The following SLC6A13 variants were observed in gnomAD, a reference collection of about 807,000 sequenced individuals.
SLC6A13 encodes solute carrier family 6 member 13, also known as sodium- and chloride-dependent GABA transporter 2.
Under a neutral mutation model 72.9 loss-of-function variants are expected in SLC6A13, and 69 were observed. The observed-to-expected ratio is 0.95, with a 90% CI of 0.78 to 1.16. SLC6A13 has a LOEUF of 1.16. SLC6A13 is among the 50% of genes most tolerant of loss of function. The pLI is 0.00. For synonymous variants in SLC6A13, 303 were observed against 303.0 expected, an observed-to-expected ratio of 1.00 and a Z score of 0.00; for missense variants, 735 against 760.5, an observed-to-expected ratio of 0.97 and a Z score of 0.39.
At chr12:247,895 T>C (rs1022433765) in intron 2 of SLC6A13, among the ~76,000 whole-genome samples, 1 of 152,154 alleles carries the variant, frequency 6.6e-6, no homozygotes, top group Non-Finnish European at 1.5e-5. Context: ...GAAGATAAAG[T>C]GTGATAAGTT....
chr12:243,490 G>A (rs936443035), intron 3 of SLC6A13, among the ~76,000 whole-genome samples, 189 bp downstream of exon 3: 6 of 152,152 alleles, frequency 3.9e-5, no homozygotes, highest in African/African-American at 1.4e-4. Context: ...CATCCTCACT[G>A]CTGTTTCTTG....
intron 2 of SLC6A13, 104 bp from the exon 3 acceptor site, chr12:243,917 G>T: frequency 8.6e-7 from 1 of 1,166,478 alleles, no homozygotes; most frequent in Non-Finnish European, 1.2e-6. Flanking sequence ...GAATCTCGGA[G>T]GCAGAGAACA....
At chr12:248,505 A>C (rs1942433657) in intron 2 of SLC6A13, among the ~76,000 whole-genome samples, 1 of 152,130 alleles carries the variant, frequency 6.6e-6, no homozygotes, top group African/African-American at 2.4e-5. Context: ...AGAGCAAAGA[A>C]TATTACCAAG....
intron 3 of SLC6A13, 108 bp downstream of exon 3, chr12:243,571 C>G: frequency 9.0e-7 from 1 of 1,113,016 alleles, no homozygotes; most frequent in South Asian, 1.6e-5. Context: ...CATAGAGACT[C>G]GGGATCTTAT....
At position 221,362 on chromosome 12, in the gene SLC6A13, CG is replaced by C. The variant is rs754583503; in HGVS notation, c.1686+13del. ...CAGCCCCTCTGGCTGCTTTCCTGCCCGCAAAGGCCCTACCTCTCTGAAGGGG... is the reference window on the plus strand; with the variant it reads ...CAGCCCCTCTGGCTGCTTTCCTGCCCCAAAGGCCCTACCTCTCTGAAGGGG... On this transcript the variant is annotated intron_variant, in intron 14 of 14. Coordinates refer to ENST00000343164, the MANE Select transcript of SLC6A13 (RefSeq NM_016615.5). 1 of 1,572,174 alleles carries C rather than the reference CG, an allele frequency of 6.4e-7. No homozygotes were observed. Among genetic ancestry groups the C allele is most frequent in the South Asian group, 1.2e-5 (1 of 86,276 alleles).
At chr12:251,790 CA>C (rs35885299) in intron 2 of SLC6A13, among the ~76,000 whole-genome samples, 13,882 of 139,464 alleles carry the variant, frequency 0.1, 706 homozygotes, top group Non-Finnish European at 0.13. Flanking sequence ...TCGTCTCTAC[CA>C]AAAAAAAAAA....
chr12:226,437 A>T lies in SLC6A13; in HGVS notation c.1013T>A (p.Phe338Tyr), dbSNP rs756888197. 1 of 1,614,080 alleles carries T rather than the reference A, an allele frequency of 6.2e-7. No individual in the cohort carries two copies. Among genetic ancestry groups the T allele is most frequent in the Non-Finnish European group, 8.5e-7 (1 of 1,179,952 alleles). The change falls in exon 9 of 15, where the codon TTC becomes TAC. Residue 338 changes from phenylalanine to tyrosine, a missense_variant. Transcript: ENST00000343164. ...AGFAIFSILGFMSQEQGVPIS... is the reference protein window; with the variant it reads ...AGFAIFSILGYMSQEQGVPIS... Reference sequence around the variant, plus strand: ...GGGCACCCCCTGCTCCTGAGACATGAAGCCCAGGATGGAGAAGATGGCAAA... The same window carrying T: ...GGGCACCCCCTGCTCCTGAGACATGTAGCCCAGGATGGAGAAGATGGCAAA...
At chr12:221,105 G>A (rs1941186873) in intron 14 of SLC6A13, 35 bp from the exon 15 acceptor site, 5 of 1,556,626 alleles carry the variant, frequency 3.2e-6, no homozygotes, top group African/African-American at 1.4e-5. Flanking sequence ...TCAGGTGGTG[G>A]AGCGGGGGCA....
chr12:221,445 C>T lies in SLC6A13; in HGVS notation c.1617G>A (p.Leu539=). Reference sequence around the variant, plus strand: ...AGGCAGGAATGCAGACCATGGAGGACAGAGCCAGGAGCCAGCCCAGGGCAT... The same window carrying T: ...AGGCAGGAATGCAGACCATGGAGGATAGAGCCAGGAGCCAGCCCAGGGCAT... ...WGDALGWLLA[L]SSMVCIPAWS... The change falls in exon 14 of 15, where the codon CTG becomes CTA. Residue 539 remains leucine, a synonymous_variant. Transcript: ENST00000343164. 1 of 1,613,980 alleles carries T rather than the reference C, an allele frequency of 6.2e-7. No individual in the cohort carries two copies. The highest frequency in any genetic ancestry group is 8.5e-7 in the Non-Finnish European group (1 of 1,179,942).
intron 1 of SLC6A13, 47 bp downstream of exon 1, chr12:262,742 G>A: frequency 1.0e-6 from 1 of 974,232 alleles, no homozygotes; most frequent in Non-Finnish European, 1.2e-6. Flanking sequence ...CCAACCTGCA[G>A]TCTGAGACGC....
rs776786828 is a variant in SLC6A13 at position 221,053 on chromosome 12, C to T, written c.1704G>A (p.Met568Ile). 2.5e-6 allele frequency: 4 copies of T among 1,607,798 alleles called. No homozygotes were observed. The highest frequency in any genetic ancestry group is 2.5e-6 in the Non-Finnish European group (3 of 1,178,016). The change falls in exon 15 of 15, where the codon ATG (methionine) becomes ATA (isoleucine). Residue 568 changes from methionine to isoleucine, a missense_variant. Coordinates refer to ENST00000343164, the MANE Select transcript of SLC6A13 (RefSeq NM_016615.5). Reference sequence around the variant, plus strand: ...GCTGGGGCAGGTCCTCGGCTGGGCACATGAGCTGACGGATTCTCTGCGGGG... The same window carrying T: ...GCTGGGGCAGGTCCTCGGCTGGGCATATGAGCTGACGGATTCTCTGCGGGG... ...GPFRERIRQL[M>I]CPAEDLPQRN... is the part of the protein sequence containing the mutation.
intron 1 of SLC6A13, among the ~76,000 whole-genome samples, chr12:261,981 T>C (rs1321235545): frequency 6.6e-6 from 1 of 150,654 alleles, no homozygotes; most frequent in Non-Finnish European, 1.5e-5. Context: ...GTTTATCTGA[T>C]AAATTAGGGA....
intron 7 of SLC6A13, among the ~76,000 whole-genome samples, chr12:231,304 G>A (rs1941699392): frequency 6.6e-6 from 1 of 152,244 alleles, no homozygotes; most frequent in South Asian, 2.1e-4. Flanking sequence ...GCACAGCGTT[G>A]TCTCTGCCTG....
rs759173725 is a variant in SLC6A13, at chr12:224,085, G to A, written c.1218C>T (p.Tyr406=). ...ESLVTALVDM[Y]PHVFRKKNRR... ...GGTTCTTCTTGCGGAACACGTGAGG[G>A]TACATGTCCACCAGCGCTGTCACCA... is the stretch of plus-strand genomic sequence containing the variant. Residue 406 remains tyrosine, a synonymous_variant, in exon 11 of 15, where the codon TAC becomes TAT. Transcript: ENST00000343164. 1.2e-6 allele frequency: 2 copies of A among 1,614,172 alleles called. No individual in the cohort carries two copies. The highest frequency in any genetic ancestry group is 1.7e-5 in the Admixed American group (1 of 60,032).
At chr12:228,029 C>T (rs1941540875) in intron 7 of SLC6A13, among the ~76,000 whole-genome samples, 1 of 152,230 alleles carries the variant, frequency 6.6e-6, no homozygotes, top group African/African-American at 2.4e-5. Flanking sequence ...CTCCTATGAC[C>T]AGTGTGGAGG....
At chr12:242,157 C>T (rs515639) in intron 4 of SLC6A13, among the ~76,000 whole-genome samples, 27,441 of 152,134 alleles carry the variant, frequency 0.18, 2,816 homozygotes, top group East Asian at 0.36. Flanking sequence ...CTATTATAAA[C>T]CACAGTGGAC....
chr12:249,040 C>A (rs1942451968), intron 2 of SLC6A13, among the ~76,000 whole-genome samples: 1 of 152,138 alleles, frequency 6.6e-6, no homozygotes, highest in Non-Finnish European at 1.5e-5. Flanking sequence ...TATGGCTCTA[C>A]TGAAGTAATC....
chr12:251,846 A>G (rs1403741196), intron 2 of SLC6A13, among the ~76,000 whole-genome samples: 1 of 152,140 alleles, frequency 6.6e-6, no homozygotes, highest in East Asian at 1.9e-4. Flanking sequence ...CTATAGTCGC[A>G]GCTACTTTTG....
intron 2 of SLC6A13, among the ~76,000 whole-genome samples, chr12:255,681 G>A (rs1227633472): frequency 6.6e-6 from 1 of 152,242 alleles, no homozygotes; most frequent in African/African-American, 2.4e-5. Context: ...GGGTGACAGA[G>A]CGAGACTCCA....
Sources: allele counts gnomAD v4.1 joint callset (sites outside exome capture counted in the v4.1 genomes callset), GRCh38; gene constraint gnomAD v4.1.1; transcripts MANE v1.5; gene names NCBI Gene and HGNC (gene_info 2026-07-23, HGNC 2026-07-21).